Variants in MREG observed in about 807,000 individuals in gnomAD.
The protein encoded by MREG is dilute suppressor protein homolog.
Under a neutral mutation model 28.5 loss-of-function variants are expected in MREG, and 31 were observed. That is an observed-to-expected ratio of 1.09 (90% confidence interval 0.82 to 1.47). MREG has a LOEUF of 1.47. MREG is among the 40% of genes most tolerant of loss of function. The pLI, the probability that MREG is intolerant of heterozygous loss-of-function variation, is 0.00. For synonymous variants in MREG, 106 were observed against 95.2 expected, an observed-to-expected ratio of 1.11 and a Z score of -0.66; for missense variants, 256 against 257.4, an observed-to-expected ratio of 0.99 and a Z score of 0.04.
chr2:215,969,399 G>T (rs1281690684), intron 2 of MREG, among the ~76,000 whole-genome samples: 5 of 152,206 alleles, frequency 3.3e-5, no homozygotes, highest in Non-Finnish European at 5.9e-5. Flanking sequence ...GTCAAGAACT[G>T]TAAAGCATCT....
intron 2 of MREG, among the ~76,000 whole-genome samples, chr2:215,949,068 ACT>A (rs757130777): frequency 0.028 from 4,002 of 140,582 alleles, 73 homozygotes; most frequent in South Asian, 0.049. Context: ...TACTACTACT[ACT>A]ACTACTACTA....
intron 2 of MREG, among the ~76,000 whole-genome samples, chr2:215,979,467 A>AAT (rs1693354762): frequency 4.5e-5 from 6 of 132,476 alleles, no homozygotes; most frequent in South Asian, 4.7e-4. Context: ...CCATCTCAAA[A>AAT]AATAATAATA....
Position 215,947,054 on chromosome 2 carries a change from T to A in MREG, c.315A>T (p.Arg105Ser). 6.2e-7 allele frequency: 1 copy of A among 1,611,918 alleles called. No homozygotes were observed. The highest frequency in any genetic ancestry group is 8.5e-7 in the Non-Finnish European group (1 of 1,178,152). The change falls in exon 3 of 5, where the codon AGA becomes AGT. Residue 105 changes from arginine (R) to serine (S), a missense_variant. Arg to Ser is a moderately radical substitution (Grantham distance 110). Coordinates refer to ENST00000263268, the MANE Select transcript of MREG (RefSeq NM_018000.3). ...CTTCTAAGATGCACTTCCATCTGTT[T>A]CTTACTTCCCTTCGAACCTGCCGCA... ...HTLRQVRREV[R>S]NRWKCILEDL...
chr2:215,956,919 T>G (rs960193614), intron 2 of MREG, among the ~76,000 whole-genome samples: 3 of 152,084 alleles, frequency 2.0e-5, no homozygotes, highest in South Asian at 2.1e-4. Context: ...TGTGTTACCC[T>G]ATGAGACGGA....
chr2:216,007,387 T>C (rs1574650244), intron 1 of MREG, among the ~76,000 whole-genome samples: 2 of 151,474 alleles, frequency 1.3e-5, no homozygotes, highest in South Asian at 4.2e-4. Context: ...GTCCTTTTTG[T>C]GATCACTTAG....
chr2:215,952,050 A>T (rs1316526749), intron 2 of MREG, among the ~76,000 whole-genome samples: 1 of 152,204 alleles, frequency 6.6e-6, no homozygotes, highest in African/African-American at 2.4e-5. Flanking sequence ...TATTGCACTC[A>T]ACACAATGAC....
At chr2:216,019,740 C>A (rs371872637) in intron 1 of MREG, among the ~76,000 whole-genome samples, 1 of 152,096 alleles carries the variant, frequency 6.6e-6, no homozygotes, top group Admixed American at 6.6e-5. Context: ...CTCCTGACCA[C>A]GTGATCAGCC....
At chr2:215,997,045 T>G (rs1408993028) in intron 1 of MREG, among the ~76,000 whole-genome samples, 1 of 152,218 alleles carries the variant, frequency 6.6e-6, no homozygotes, top group Non-Finnish European at 1.5e-5. Context: ...CCTCCCGAAG[T>G]GCTGGGATTA....
chr2:215,999,270 ATTT>A (rs1160882107), intron 1 of MREG, among the ~76,000 whole-genome samples: 2 of 152,208 alleles, frequency 1.3e-5, no homozygotes, highest in African/African-American at 4.8e-5. Flanking sequence ...TATCAACAGG[ATTT>A]TGAGCCCTGT....
Position 215,969,754 on chromosome 2 carries a change from G to A in MREG, c.256-22641C>T, listed in dbSNP as rs552565029. Among the ~76,000 whole-genome samples, 8 of 152,126 alleles carry A rather than the reference G, an allele frequency of 5.3e-5. No individual in the cohort carries two copies. In the South Asian group the frequency reaches 1.2e-3, roughly 24 times the overall value. ...CAGACGATGACTCTACTTACAACAT[G>A]TGCAGAGACCAGCAGACCCAGGGAG... On this transcript the variant is annotated intron_variant, in intron 2 of 4. Coordinates refer to ENST00000263268, the MANE Select transcript of MREG (RefSeq NM_018000.3).
At chr2:215,978,577 C>CA (rs932540568) in intron 2 of MREG, among the ~76,000 whole-genome samples, 8 of 152,002 alleles carry the variant, frequency 5.3e-5, no homozygotes, top group African/African-American at 1.7e-4. Context: ...ACAGACACAA[C>CA]AAAAAAAGAG....
At chr2:216,030,263 T>C (rs1165313055) in intron 1 of MREG, among the ~76,000 whole-genome samples, 2 of 152,182 alleles carry the variant, frequency 1.3e-5, no homozygotes, top group Non-Finnish European at 2.9e-5. Context: ...AATCTCTTCA[T>C]TGTCCTTGGT....
chr2:215,995,581 G>A (rs985853762), intron 2 of MREG, among the ~76,000 whole-genome samples: 2 of 119,378 alleles, frequency 1.7e-5, no homozygotes, highest in Non-Finnish European at 3.2e-5. Flanking sequence ...TCTACACAAA[G>A]AAGCATGCAG....
chr2:215,979,475 ATAAT>A lies in MREG; in HGVS notation c.255+16827_255+16830del, dbSNP rs1559184964. On this transcript the variant is annotated intron_variant, in intron 2 of 4. Transcript: ENST00000263268. ...TGAAACTCCATCTCAAAAAATAATA[ATAAT>A]AATAATAATAATAATAATAATAATA... Among the ~76,000 whole-genome samples the A allele has an allele frequency of 4.8e-4, 57 of 119,064 alleles. 1 individual carries two copies. The highest frequency in any genetic ancestry group is 1.5e-3 in the African/African-American group (45 of 30,010). 78.1% of individuals were successfully genotyped at this position (119,064 alleles called of 152,430 possible). A position where few individuals can be genotyped will look rare whatever the true frequency, so the allele number is the denominator to read the frequency against.
chr2:215,961,042 G>C (rs928864294), intron 2 of MREG, among the ~76,000 whole-genome samples: 9 of 152,174 alleles, frequency 5.9e-5, no homozygotes, highest in Non-Finnish European at 1.3e-4. Flanking sequence ...AGCCCAAATG[G>C]AAAAGGATCA....
chr2:215,973,134 C>T (rs977576748), intron 2 of MREG, among the ~76,000 whole-genome samples: 106 of 152,208 alleles, frequency 7.0e-4, no homozygotes, highest in African/African-American at 2.2e-3. Flanking sequence ...AGGGGCCCTT[C>T]GAGAGTTAAA....
intron 2 of MREG, among the ~76,000 whole-genome samples, chr2:215,967,935 GC>G (rs1242270621): frequency 6.6e-6 from 1 of 152,178 alleles, no homozygotes; most frequent in Non-Finnish European, 1.5e-5. Flanking sequence ...CCCAGTGCAT[GC>G]ATCTTCCTCA....
intron 3 of MREG, among the ~76,000 whole-genome samples, chr2:215,946,542 G>A (rs1051893026): frequency 6.6e-6 from 1 of 152,240 alleles, no homozygotes. Flanking sequence ...TAGTGATGAG[G>A]GCAGGTATCT....
chr2:215,996,478 A>C lies in MREG; in HGVS notation c.96-13T>G, dbSNP rs750717015. The C allele has an allele frequency of 6.3e-7, 1 of 1,599,120 alleles. No homozygotes were observed. The highest frequency in any genetic ancestry group is 8.5e-7 in the Non-Finnish European group (1 of 1,173,312). On this transcript the variant is annotated splice_polypyrimidine_tract_variant and intron_variant, in intron 1 of 4. Coordinates refer to ENST00000263268, the MANE Select transcript of MREG (RefSeq NM_018000.3). ...TGGATTGTTATCACTGTTGTATAAAAAAAGGAAAGATTGGGGTTTTATAAT... is the reference window on the plus strand; with the variant it reads ...TGGATTGTTATCACTGTTGTATAAACAAAGGAAAGATTGGGGTTTTATAAT...
Sources: allele counts gnomAD v4.1 joint callset (sites outside exome capture counted in the v4.1 genomes callset), GRCh38; gene constraint gnomAD v4.1.1; transcripts MANE v1.5; gene names NCBI Gene and HGNC (gene_info 2026-07-23, HGNC 2026-07-21).